TMEM132D: variants seen among roughly 807,000 people sequenced by gnomAD.
TMEM132D encodes mature OL transmembrane protein.
TMEM132D carries 21 observed loss-of-function variants against 62.3 expected under a neutral mutation model. The ratio of observed to expected loss-of-function variants is 0.34; its 90% CI spans 0.24 to 0.49. The LOEUF (loss-of-function observed/expected upper bound fraction) is 0.49. Ranked by LOEUF, TMEM132D falls within the 20% of genes least tolerant of loss-of-function variation. The probability of loss-of-function intolerance (pLI) is 0.99; values close to 1 mark genes in which losing one functional copy is unlikely to be tolerated. For missense variants in TMEM132D, 1,346 were observed against 1,402.8 expected (o/e 0.96, Z 0.65); for synonymous variants, 621 against 575.6 (o/e 1.08, Z -1.13).
At position 129,271,964 on chromosome 12, in the gene TMEM132D, T is replaced by C. The variant is rs1880864828; in HGVS notation, c.1300-62301A>G. On this transcript the variant is annotated intron_variant, in intron 4 of 8. Coordinates refer to ENST00000422113, the MANE Select transcript of TMEM132D (RefSeq NM_133448.3). ...CTGGGTTAAACAGTATTTCTGGTTC[T>C]AGATCTTTGAGGAATTGCCACATTA... is the stretch of plus-strand genomic sequence containing the variant. 1.3e-5 allele frequency among the ~76,000 whole-genome samples: 2 copies of C among 151,922 alleles called. 1 individual carries two copies. Among genetic ancestry groups the C allele is most frequent in the African/African-American group, 4.9e-5 (2 of 41,176 alleles).
intron 1 of TMEM132D, among the ~76,000 whole-genome samples, chr12:129,833,042 T>C (rs1188975762): frequency 1.3e-5 from 2 of 152,222 alleles, no homozygotes; most frequent in African/African-American, 4.8e-5. Flanking sequence ...TACAAATGCC[T>C]CTGGCCGATG....
intron 2 of TMEM132D, among the ~76,000 whole-genome samples, chr12:129,655,958 G>A (rs138152425): frequency 2.4e-4 from 37 of 152,194 alleles, no homozygotes; most frequent in African/African-American, 8.4e-4. Flanking sequence ...CTTCTCTTTC[G>A]GTTCCTCTCA....
intron 1 of TMEM132D, among the ~76,000 whole-genome samples, chr12:129,724,381 GA>G (rs1312708551): frequency 6.6e-6 from 1 of 152,170 alleles, no homozygotes; most frequent in African/African-American, 2.4e-5. Flanking sequence ...AGAAAAGAAG[GA>G]AACAGATTCT....
intron 2 of TMEM132D, among the ~76,000 whole-genome samples, chr12:129,679,729 T>C (rs903812779): frequency 1.2e-4 from 18 of 152,262 alleles, no homozygotes; most frequent in Non-Finnish European, 2.2e-4. Context: ...TACTATCTCC[T>C]TCTTTGTTTT....
intron 1 of TMEM132D, among the ~76,000 whole-genome samples, chr12:129,816,084 G>C (rs1036045814): frequency 1.3e-5 from 2 of 152,206 alleles, no homozygotes; most frequent in African/African-American, 2.4e-5. Context: ...GTGTGCACTT[G>C]CCTGTCATTT....
rs980306442 is a variant in TMEM132D, at chr12:129,506,469, C to T, written c.1115+24590G>A. Among the ~76,000 whole-genome samples the T allele has an allele frequency of 7.9e-5, 12 of 152,196 alleles. 1 individual carries two copies. The South Asian group carries it at 1.2e-3, about 16-fold the overall frequency. On this transcript the variant is annotated intron_variant, in intron 3 of 8. Transcript: ENST00000422113. ...CCCTATTTCAAACTATACTATAAGG[C>T]GATAGTCACCAAAACAGCATGGTAC...
At chr12:129,079,492 C>T (rs922460580) in intron 7 of TMEM132D, among the ~76,000 whole-genome samples, 1 of 152,188 alleles carries the variant, frequency 6.6e-6, no homozygotes, top group Admixed American at 6.5e-5. Flanking sequence ...GGAATCACTT[C>T]TTCCTCCTCT....
chr12:129,681,333 G>A (rs1195309766), intron 2 of TMEM132D: 2 of 152,196 alleles, frequency 1.3e-5, no homozygotes, highest in African/African-American at 4.8e-5. Flanking sequence ...ATATGGGCAG[G>A]GCTCAGTTGG....
intron 3 of TMEM132D, among the ~76,000 whole-genome samples, chr12:129,424,707 C>CAAAAAAAA (rs11385383): frequency 3.1e-5 from 1 of 31,826 alleles, no homozygotes; most frequent in Non-Finnish European, 5.8e-5. Context: ...GACTCCATCT[C>CAAAAAAAA]AAAAAAAAAA....
At chr12:129,299,358 T>C (rs982045563) in intron 4 of TMEM132D, among the ~76,000 whole-genome samples, 3 of 151,512 alleles carry the variant, frequency 2.0e-5, no homozygotes, top group African/African-American at 7.3e-5. Flanking sequence ...ATACCTGAAA[T>C]CCATATGCAG....
intron 3 of TMEM132D, chr12:129,522,625 C>T (rs147693167): frequency 1.3e-5 from 2 of 152,138 alleles, no homozygotes; most frequent in African/African-American, 2.4e-5. Context: ...AAATGGCTGT[C>T]GCAAAGAACA....
At chr12:129,153,173 C>G (rs1396723528) in intron 5 of TMEM132D, among the ~76,000 whole-genome samples, 1 of 152,122 alleles carries the variant, frequency 6.6e-6, no homozygotes, top group African/African-American at 2.4e-5. Context: ...TTTCTGTTGT[C>G]CTGACTGGAC....
intron 3 of TMEM132D, among the ~76,000 whole-genome samples, chr12:129,502,095 G>A (rs757344047): frequency 6.6e-6 from 1 of 151,878 alleles, no homozygotes; most frequent in Non-Finnish European, 1.5e-5. Context: ...CGCCTCCCGG[G>A]TTCACACCAT....
intron 3 of TMEM132D, among the ~76,000 whole-genome samples, chr12:129,343,093 T>A (rs1869550185): frequency 6.6e-6 from 1 of 152,224 alleles, no homozygotes; most frequent in Non-Finnish European, 1.5e-5. Context: ...CCCAAAGGAT[T>A]GTAAATCATG....
At chr12:129,719,174 A>G (rs1868717727) in intron 1 of TMEM132D, among the ~76,000 whole-genome samples, 1 of 151,918 alleles carries the variant, frequency 6.6e-6, no homozygotes. Flanking sequence ...TGGGAGAATC[A>G]CTTGAGCCCA....
intron 2 of TMEM132D, among the ~76,000 whole-genome samples, chr12:129,539,465 C>T (rs1424461769): frequency 1.4e-5 from 2 of 144,602 alleles, no homozygotes; most frequent in South Asian, 2.2e-4. Flanking sequence ...AGTGCAATGG[C>T]GCGATCTCAG....
At chr12:129,386,663 T>C (rs1004714200) in intron 3 of TMEM132D, among the ~76,000 whole-genome samples, 2 of 149,446 alleles carry the variant, frequency 1.3e-5, no homozygotes, top group Admixed American at 1.3e-4. Context: ...ACAAATACTA[T>C]ATGCCAACAC....
intron 2 of TMEM132D, among the ~76,000 whole-genome samples, chr12:129,607,057 T>C (rs1346111517): frequency 3.4e-5 from 5 of 147,086 alleles, no homozygotes; most frequent in Admixed American, 2.1e-4. Flanking sequence ...TTCTTTTTCT[T>C]TCTTTCTTTC....
At chr12:129,363,714 A>G (rs1870322114) in intron 3 of TMEM132D, among the ~76,000 whole-genome samples, 1 of 152,254 alleles carries the variant, frequency 6.6e-6, no homozygotes, top group South Asian at 2.1e-4. Context: ...TCAAGTGCTC[A>G]AGGTCTGAGG....
Sources: gnomAD v4.1 joint callset for allele counts (sites outside exome capture counted in the v4.1 genomes callset) on GRCh38, gnomAD v4.1.1 for gene constraint, MANE v1.5 for transcripts, NCBI Gene and HGNC (gene_info 2026-07-23, HGNC 2026-07-21) for gene names.